Variants in RBM19 observed in about 807,000 individuals in gnomAD.
The protein encoded by RBM19 is probable RNA-binding protein 19.
Under a neutral mutation model 116.8 loss-of-function variants are expected in RBM19, and 94 were observed. That is an observed-to-expected ratio of 0.80 (90% CI 0.68 to 0.95). The LOEUF is 0.95. Ranked by LOEUF, RBM19 falls within the 40% of genes least tolerant of loss-of-function variation. The probability of loss-of-function intolerance (pLI) is 0.00; values close to 1 mark genes in which losing one functional copy is unlikely to be tolerated. For synonymous variants in RBM19, 475 were observed against 494.1 expected, an observed-to-expected ratio of 0.96 and a Z score of 0.51; for missense variants, 1,161 against 1,220.7, an observed-to-expected ratio of 0.95 and a Z score of 0.73.
chr12:113,887,013 G>A (rs576776049), intron 21 of RBM19, among the ~76,000 whole-genome samples: 1 of 152,300 alleles, frequency 6.6e-6, no homozygotes, highest in African/African-American at 2.4e-5. Context: ...AGCCATCGAA[G>A]CAAGGGTGGT....
downstream of RBM19, among the ~76,000 whole-genome samples, chr12:113,820,278 A>C (rs1874329133): frequency 6.6e-6 from 1 of 150,460 alleles, no homozygotes; most frequent in African/African-American, 2.4e-5. Context: ...AATTTAAGGA[A>C]GTTTACAAAT....
rs543406716 is a variant in RBM19, at chr12:113,910,622, C to T, written c.2558+4347G>A. Among the ~76,000 whole-genome samples the T allele has an allele frequency of 1.4e-4, 22 of 152,272 alleles. 1 individual carries two copies. Among genetic ancestry groups the T allele is most frequent in the Admixed American group, 4.6e-4 (7 of 15,300 alleles). ...CCGAGGGTCCATCTAGGAATAGCAC[C>T]GTTACTGTCTGTACCCTAGTTTCTT... On this transcript the variant is annotated intron_variant, in intron 21 of 23. Transcript: ENST00000261741.
At chr12:113,911,314 C>T (rs1031520525) in intron 21 of RBM19, among the ~76,000 whole-genome samples, 5 of 152,142 alleles carry the variant, frequency 3.3e-5, no homozygotes, top group Non-Finnish European at 7.3e-5. Context: ...TGACTCTCTA[C>T]CCCAGAACAC....
intron 21 of RBM19, among the ~76,000 whole-genome samples, chr12:113,877,065 C>T (rs1367243766): frequency 1.3e-5 from 2 of 152,216 alleles, no homozygotes; most frequent in African/African-American, 2.4e-5. Context: ...ACCAAGGTCC[C>T]ATGCCCCCAC....
At chr12:113,950,185 T>C (rs760489352) in intron 8 of RBM19, 31 bp from the exon 9 acceptor site, 2 of 1,530,384 alleles carry the variant, frequency 1.3e-6, no homozygotes, top group Admixed American at 1.7e-5. Context: ...AGGTAAAATC[T>C]GCAGGCCTTG....
intron 15 of RBM19, among the ~76,000 whole-genome samples, chr12:113,938,049 G>A (rs1188886228): frequency 6.6e-6 from 1 of 152,118 alleles, no homozygotes; most frequent in Non-Finnish European, 1.5e-5. Context: ...ACCTCTCTGG[G>A]CATCAGTTTC....
intron 19 of RBM19, 86 bp downstream of exon 19, chr12:113,920,525 T>C (rs2135864575): frequency 1.6e-6 from 2 of 1,213,298 alleles, no homozygotes; most frequent in Non-Finnish European, 2.4e-6. Context: ...TTCATACATA[T>C]TCTCACTCAA....
chr12:113,887,861 C>G (rs979708436), intron 21 of RBM19, among the ~76,000 whole-genome samples: 3 of 151,890 alleles, frequency 2.0e-5, no homozygotes, highest in African/African-American at 7.2e-5. Flanking sequence ...CCTGGGACTA[C>G]AAGAGTGCAC....
chr12:113,959,784 C>T (rs1872322657), intron 4 of RBM19, 81 bp downstream of exon 4: 2 of 1,531,106 alleles, frequency 1.3e-6, no homozygotes, highest in South Asian at 1.1e-5. Flanking sequence ...CACCCTCTCC[C>T]AGCCTCTACC....
chr12:113,876,854 T>C (rs1245266187), intron 21 of RBM19, among the ~76,000 whole-genome samples: 1 of 152,168 alleles, frequency 6.6e-6, no homozygotes, highest in Non-Finnish European at 1.5e-5. Flanking sequence ...ACAAATTAAA[T>C]GAGTGAATGA....
At chr12:113,926,150 T>C (rs1869045857) in intron 17 of RBM19, among the ~76,000 whole-genome samples, 1 of 152,124 alleles carries the variant, frequency 6.6e-6, no homozygotes, top group South Asian at 2.1e-4. Flanking sequence ...TCTGACCCTC[T>C]GCCTCTCTAC....
chr12:113,941,230 G>A (rs372361281), intron 14 of RBM19, among the ~76,000 whole-genome samples: 27 of 152,224 alleles, frequency 1.8e-4, no homozygotes, highest in African/African-American at 6.3e-4. Context: ...GGTGAGGGGA[G>A]TGAAAACCAT....
chr12:113,888,062 AT>A (rs1299424603), intron 21 of RBM19, among the ~76,000 whole-genome samples: 1 of 152,198 alleles, frequency 6.6e-6, no homozygotes, highest in Non-Finnish European at 1.5e-5. Flanking sequence ...ACCTGGATGC[AT>A]AGCCAGACCT....
intron 21 of RBM19, among the ~76,000 whole-genome samples, chr12:113,910,867 T>C (rs1471135808): frequency 1.3e-5 from 2 of 152,212 alleles, no homozygotes; most frequent in African/African-American, 4.8e-5. Context: ...AGCTGCTGTG[T>C]ATCAGCAGGA....
intron 1 of RBM19, among the ~76,000 whole-genome samples, chr12:113,964,628 G>A (rs1000262120): frequency 6.6e-6 from 1 of 152,088 alleles, no homozygotes; most frequent in Admixed American, 6.6e-5. Flanking sequence ...GATTATAACA[G>A]GATAATTAAA....
intron 16 of RBM19, among the ~76,000 whole-genome samples, chr12:113,935,561 C>T (rs1007919873): frequency 1.3e-5 from 2 of 152,196 alleles, no homozygotes; most frequent in African/African-American, 4.8e-5. Flanking sequence ...TGGGATGCTT[C>T]TGGGTCCTCA....
chr12:113,930,632 G>C (rs1327093231), intron 16 of RBM19, among the ~76,000 whole-genome samples: 1 of 152,174 alleles, frequency 6.6e-6, no homozygotes, highest in Admixed American at 6.5e-5. Context: ...CCTCCCCTTC[G>C]GGAGGAACAC....
At chr12:113,927,276 T>C in intron 16 of RBM19, 47 bp from the exon 17 acceptor site, 5 of 1,529,110 alleles carry the variant, frequency 3.3e-6, no homozygotes, top group Non-Finnish European at 4.4e-6. Context: ...ATCAAATCCA[T>C]GAAATAATGT....
chr12:113,820,479 A>C (rs1874342059), downstream of RBM19, among the ~76,000 whole-genome samples: 2 of 152,102 alleles, frequency 1.3e-5, no homozygotes, highest in Non-Finnish European at 2.9e-5. Flanking sequence ...GTGCAGGGTC[A>C]GGTGAGGTGG....
Sources: allele counts gnomAD v4.1 joint callset (sites outside exome capture counted in the v4.1 genomes callset), GRCh38; gene constraint gnomAD v4.1.1; transcripts MANE v1.5; gene names NCBI Gene and HGNC (gene_info 2026-07-23, HGNC 2026-07-21).